TARS3: variants seen among roughly 807,000 people sequenced by gnomAD.
The protein encoded by TARS3 is threonyl-tRNA synthetase 3.
A neutral mutation model predicts 103.5 loss-of-function variants in TARS3; 94 were observed. The observed-to-expected ratio is 0.91, with a 90% confidence interval of 0.77 to 1.08. The LOEUF is 1.08. Ranked by LOEUF, TARS3 falls within the 50% of genes least tolerant of loss-of-function variation. The pLI, the probability that TARS3 is intolerant of heterozygous loss-of-function variation, is 0.00. For missense variants in TARS3, 952 were observed against 995.2 expected (o/e 0.96, Z 0.58); for synonymous variants, 416 against 355.4 (o/e 1.17, Z -1.92).
At chr15:101,714,082 G>A (rs546290365) in intron 4 of TARS3, among the ~76,000 whole-genome samples, 63 of 152,104 alleles carry the variant, frequency 4.1e-4, no homozygotes, top group Admixed American at 7.2e-4. Flanking sequence ...AGGCGACAAC[G>A]TATATCAGAA....
chr15:101,722,901 T>C (rs1200576669), intron 2 of TARS3, among the ~76,000 whole-genome samples, 192 bp downstream of exon 2: 1 of 152,024 alleles, frequency 6.6e-6, no homozygotes, highest in African/African-American at 2.4e-5. Context: ...TAAATACACG[T>C]GTTTATTAAA....
chr15:101,684,400 C>T (rs773358946), intron 11 of TARS3, among the ~76,000 whole-genome samples, 163 bp from the exon 12 acceptor site: 1 of 152,122 alleles, frequency 6.6e-6, no homozygotes, highest in Admixed American at 6.5e-5. Context: ...ATTAGTGAAC[C>T]TTGCATTTAC....
chr15:101,721,775 G>GT lies in TARS3; in HGVS notation c.370-454dup, dbSNP rs1900474739. ...CTCCCAAAATGCTGGGATTACAGGC[G>GT]TGAGTCACCGTATCCAGCCGCAATT... On this transcript the variant is annotated intron_variant, in intron 2 of 18. Coordinates refer to ENST00000335968, the MANE Select transcript of TARS3 (RefSeq NM_152334.3). Among the ~76,000 whole-genome samples the GT allele has an allele frequency of 2.0e-5, 3 of 152,176 alleles. No homozygotes were observed. The South Asian group carries it at 6.2e-4, about 32-fold the overall frequency.
intron 5 of TARS3, among the ~76,000 whole-genome samples, chr15:101,709,868 G>T (rs1899771450): frequency 6.6e-6 from 1 of 152,230 alleles, no homozygotes; most frequent in Non-Finnish European, 1.5e-5. Context: ...TCTTCATCCA[G>T]ATTTCTGGCA....
chr15:101,664,087 A>G (rs942859988), intron 15 of TARS3: 2 of 152,152 alleles, frequency 1.3e-5, no homozygotes, highest in African/African-American at 4.8e-5. Context: ...AAATCACATC[A>G]GTTCTTCCTC....
intron 13 of TARS3, among the ~76,000 whole-genome samples, chr15:101,675,383 C>T (rs1299373007): frequency 6.6e-6 from 1 of 152,160 alleles, no homozygotes; most frequent in African/African-American, 2.4e-5. Context: ...AAATAAAAGC[C>T]AGATATGAAC....
intron 17 of TARS3, among the ~76,000 whole-genome samples, chr15:101,657,496 G>C (rs142223792): frequency 1.3e-5 from 2 of 152,302 alleles, no homozygotes; most frequent in Admixed American, 1.3e-4. Context: ...TAAGTTTTGG[G>C]GTCACTTGTG....
chr15:101,669,374 A>G (rs1480335925), intron 15 of TARS3, among the ~76,000 whole-genome samples: 2 of 152,262 alleles, frequency 1.3e-5, no homozygotes, highest in East Asian at 1.9e-4. Flanking sequence ...AAAAATGTAT[A>G]AAGTAAAAAA....
chr15:101,675,407 CA>C (rs1413066875), intron 13 of TARS3, among the ~76,000 whole-genome samples, 192 bp downstream of exon 13: 2 of 152,176 alleles, frequency 1.3e-5, no homozygotes, highest in Admixed American at 6.5e-5. Context: ...AAGTGTGAAG[CA>C]AATGTAAGGT....
intron 16 of TARS3, among the ~76,000 whole-genome samples, chr15:101,660,235 A>G (rs1897326355): frequency 6.6e-6 from 1 of 152,244 alleles, no homozygotes; most frequent in East Asian, 1.9e-4. Flanking sequence ...GCTAAACTGC[A>G]TGAGCAGATG....
chr15:101,705,372 C>T lies in TARS3; in HGVS notation c.995+311G>A, dbSNP rs79251728. The stretch of plus-strand genomic sequence containing the variant: ...AGGAGATGGCTTGTAATGGCCCCCA[C>T]TGCCACATTAATAAGAACGTGGAAG... On this transcript the variant is annotated intron_variant, in intron 7 of 18. Transcript: ENST00000335968. Among the ~76,000 whole-genome samples, 587 of 152,284 alleles carry T rather than the reference C, an allele frequency of 3.9e-3. 8 individuals are homozygous for T. The highest frequency in any genetic ancestry group is 0.013 in the African/African-American group (546 of 41,554).
At position 101,673,232 on chromosome 15, in the gene TARS3, C is replaced by A. The variant is rs556273229; in HGVS notation, c.1789-1484G>T. ...TCAGGCTTGGCTGCTAAACTATTTA[C>A]CCCCATTAATTAAGAAAGGAGCAAA... On this transcript the variant is annotated intron_variant, in intron 13 of 18. Transcript: ENST00000335968. Among the ~76,000 whole-genome samples, 133 of 152,266 alleles carry A rather than the reference C, an allele frequency of 8.7e-4. 1 individual carries two copies. Among genetic ancestry groups the A allele is most frequent in the African/African-American group, 3.0e-3 (124 of 41,552 alleles).
At chr15:101,654,795 G>A in intron 18 of TARS3, 65 bp from the exon 19 acceptor site, 1 of 1,461,682 alleles carries the variant, frequency 6.8e-7, no homozygotes, top group Non-Finnish European at 9.4e-7. Flanking sequence ...TAAGTCAGCA[G>A]TCCCATGACA....
At position 101,653,696 on chromosome 15, in the gene TARS3, TTTC is replaced by T. The variant is rs1423366529; in HGVS notation, c.*883_*885del. The T allele has an allele frequency of 2.0e-5, 3 of 152,294 alleles. No homozygotes were observed. Among genetic ancestry groups the T allele is most frequent in the Non-Finnish European group, 4.4e-5 (3 of 68,050 alleles). The allele number at this position is 152,294 out of a possible 1,614,324, so 9.4% of individuals were successfully genotyped here. A position where few individuals can be genotyped will look rare whatever the true frequency, so the allele number is the denominator to read the frequency against. On this transcript the variant is annotated 3_prime_UTR_variant, in exon 19 of 19. Transcript: ENST00000335968. The stretch of plus-strand genomic sequence containing the variant: ...TATTGAAAAGAGATTATTTCTTACA[TTTC>T]TTTTGAATTTCACAGCATATCGCAA...
chr15:101,686,806 C>T (rs182349626), intron 10 of TARS3, among the ~76,000 whole-genome samples: 7 of 151,262 alleles, frequency 4.6e-5, no homozygotes, highest in Admixed American at 3.3e-4. Flanking sequence ...TGGATGAACA[C>T]AAAAAGCTGA....
chr15:101,683,575 C>T (rs971962012), intron 12 of TARS3, among the ~76,000 whole-genome samples: 3 of 152,022 alleles, frequency 2.0e-5, no homozygotes, highest in Admixed American at 6.6e-5. Flanking sequence ...GATGTACCTC[C>T]CTCACACCTC....
At chr15:101,658,421 G>C (rs901184773) in intron 16 of TARS3, among the ~76,000 whole-genome samples, 1 of 149,016 alleles carries the variant, frequency 6.7e-6, no homozygotes, top group African/African-American at 2.5e-5. Context: ...TACTTCAAAA[G>C]TTTGTGTACT....
rs1897121881 is a variant in TARS3 at position 101,654,397 on chromosome 15, C to A, written c.*185G>T. On this transcript the variant is annotated 3_prime_UTR_variant, in exon 19 of 19. Coordinates refer to ENST00000335968, the MANE Select transcript of TARS3 (RefSeq NM_152334.3). ...TTTCCCACGTGCCCTCTAAACGTCC[C>A]CCGTGGACATGAGTAAATTAAACTT... The A allele has an allele frequency of 5.2e-6, 3 of 578,416 alleles. No homozygotes were observed. In the East Asian group the frequency reaches 9.6e-5, roughly 18 times the overall value. The allele number at this position is 578,416 out of a possible 1,614,324, so 35.8% of individuals were successfully genotyped here. A position where few individuals can be genotyped will look rare whatever the true frequency, so the allele number is the denominator to read the frequency against.
At chr15:101,685,691 C>T (rs985002031) in intron 11 of TARS3, among the ~76,000 whole-genome samples, 4 of 152,120 alleles carry the variant, frequency 2.6e-5, no homozygotes, top group Non-Finnish European at 5.9e-5. Context: ...GCAATGGTTA[C>T]CAGCTAACAT....
Sources: gnomAD v4.1 joint callset for allele counts (sites outside exome capture counted in the v4.1 genomes callset) on GRCh38, gnomAD v4.1.1 for gene constraint, MANE v1.5 for transcripts, NCBI Gene and HGNC (gene_info 2026-07-23, HGNC 2026-07-21) for gene names.